GNG7: variants seen among roughly 807,000 people sequenced by gnomAD.
The protein encoded by GNG7 is G protein subunit gamma 7.
In GNG7, 1 loss-of-function variant was observed where a neutral mutation model predicts 4.0. That is an observed-to-expected ratio of 0.25 (90% CI 0.09 to 1.18). GNG7 has a LOEUF of 1.18. GNG7 is among the 50% of genes most tolerant of loss of function. The pLI, the probability that GNG7 is intolerant of heterozygous loss-of-function variation, is 0.50. For synonymous variants in GNG7, 34 were observed against 36.9 expected (o/e 0.92, Z 0.29); for missense variants, 86 against 91.9 (o/e 0.94, Z 0.26).
intron 2 of GNG7, among the ~76,000 whole-genome samples, chr19:2,584,959 AGAAG>A (rs1319996210): frequency 4.8e-5 from 1 of 20,656 alleles, no homozygotes; most frequent in East Asian, 3.8e-3. Context: ...AAGGAAGGAA[AGAAG>A]GAAGGAGGGA....
intron 3 of GNG7, among the ~76,000 whole-genome samples, chr19:2,530,887 T>G (rs1044917958): frequency 6.6e-6 from 1 of 152,104 alleles, no homozygotes; most frequent in Non-Finnish European, 1.5e-5. Context: ...AGAGGCCGAG[T>G]GATATTTCTA....
intron 2 of GNG7, among the ~76,000 whole-genome samples, chr19:2,556,175 G>A (rs1480632202): frequency 6.6e-6 from 1 of 152,254 alleles, no homozygotes; most frequent in African/African-American, 2.4e-5. Flanking sequence ...GCCAGGTTCT[G>A]TGTCTCCCGG....
chr19:2,656,829 G>T lies in GNG7; in HGVS notation c.-134-10549C>A, dbSNP rs911586608. Among the ~76,000 whole-genome samples the T allele has an allele frequency of 3.3e-5, 5 of 152,286 alleles. No individual in the cohort carries two copies. The East Asian group carries it at 9.6e-4, about 29-fold the overall frequency. Reference sequence around the variant, plus strand: ...GAATTTACCTCCGGCCCTTTAGGAAGGGTTGATATAATCCGTGTACTAGAG... The same window carrying T: ...GAATTTACCTCCGGCCCTTTAGGAATGGTTGATATAATCCGTGTACTAGAG... On this transcript the variant is annotated intron_variant, in intron 1 of 4. Transcript: ENST00000382159.
At chr19:2,646,515 G>A (rs111364707) in intron 1 of GNG7, among the ~76,000 whole-genome samples, 11,718 of 152,108 alleles carry the variant, frequency 0.077, 547 homozygotes, top group South Asian at 0.24. Context: ...GCAAAATCCC[G>A]TCTCTACTAA....
intron 1 of GNG7, among the ~76,000 whole-genome samples, chr19:2,652,106 C>G (rs1021178176): frequency 6.6e-6 from 1 of 151,622 alleles, no homozygotes; most frequent in African/African-American, 2.4e-5. Context: ...ACCCGGGAGA[C>G]AGTGGTTGCA....
chr19:2,665,829 T>A (rs145591521), intron 1 of GNG7, among the ~76,000 whole-genome samples: 119 of 152,336 alleles, frequency 7.8e-4, no homozygotes, highest in African/African-American at 2.8e-3. Context: ...GCTTTATTAT[T>A]TAGAACCTGG....
At position 2,512,490 on chromosome 19, in the gene GNG7, C is replaced by G. The variant is rs1299500641; in HGVS notation, c.*2532G>C. ...CTCAGGGAACCCAAGGCCCTGTGGA[C>G]AGTGAAGGAGAGGCCAGCCTGTCCT... On this transcript the variant is annotated 3_prime_UTR_variant, in exon 5 of 5. Coordinates refer to ENST00000382159, the MANE Select transcript of GNG7 (RefSeq NM_052847.3). This position sits in a 1 kb window ranked among gnomAD's most constrained non-coding sequence, Gnocchi z 4.7. The G allele has an allele frequency of 2.2e-6, 1 of 459,242 alleles. No homozygotes were observed. Among genetic ancestry groups the G allele is most frequent in the Non-Finnish European group, 2.9e-6 (1 of 349,106 alleles). 28.4% of individuals were successfully genotyped at this position (459,242 alleles called of 1,614,324 possible). A position where few individuals can be genotyped will look rare whatever the true frequency, so the allele number is the denominator to read the frequency against.
intron 2 of GNG7, among the ~76,000 whole-genome samples, chr19:2,629,682 C>T (rs1344670722): frequency 2.0e-5 from 3 of 152,168 alleles, no homozygotes; most frequent in Non-Finnish European, 2.9e-5. Context: ...GTGATTGGAA[C>T]CTGGCACCCA....
Position 2,514,968 on chromosome 19 carries a change from C to CAG in GNG7, c.*52_*53dup, listed in dbSNP as rs34865250. The CAG allele has an allele frequency of 2.7e-4, 339 of 1,237,344 alleles. No homozygotes were observed. Among genetic ancestry groups the CAG allele is most frequent in the Non-Finnish European group, 3.3e-4 (284 of 865,258 alleles). The allele number at this position is 1,237,344 out of a possible 1,614,324, so 76.6% of individuals were successfully genotyped here. A position where few individuals can be genotyped will look rare whatever the true frequency, so the allele number is the denominator to read the frequency against. ...GCCCTGCCTGAGACAGAGACAGAGA[C>CAG]AGAGAGAGAGAGAGAGAAAGAGAGA... On this transcript the variant is annotated 3_prime_UTR_variant, in exon 5 of 5. Transcript: ENST00000382159.
chr19:2,636,713 C>A (rs374684045), intron 2 of GNG7, among the ~76,000 whole-genome samples: 7 of 152,118 alleles, frequency 4.6e-5, no homozygotes, highest in African/African-American at 1.7e-4. Flanking sequence ...CACAGGGGCC[C>A]CTAGGGCAGG....
chr19:2,628,634 A>G (rs376320022), intron 2 of GNG7, among the ~76,000 whole-genome samples: 1 of 151,922 alleles, frequency 6.6e-6, no homozygotes, highest in Admixed American at 6.6e-5. Flanking sequence ...AGAACCTTCC[A>G]TCTTGTAAAA....
At chr19:2,566,869 G>T (rs1244844186) in intron 2 of GNG7, among the ~76,000 whole-genome samples, 1 of 152,058 alleles carries the variant, frequency 6.6e-6, no homozygotes. Flanking sequence ...TTGGGAGGCC[G>T]AGGCAGGCGG....
intron 2 of GNG7, among the ~76,000 whole-genome samples, chr19:2,573,213 G>A (rs1193665409): frequency 6.6e-6 from 1 of 151,160 alleles, no homozygotes; most frequent in Non-Finnish European, 1.5e-5. Context: ...AGTAGCGACG[G>A]GGTTTCACCA....
rs1568262802 is a variant in GNG7 at position 2,612,706 on chromosome 19, A to ATTTTTTTTTTTTTTTTTT, written c.-78+33517_-78+33518insAAAAAAAAAAAAAAAAAA. 9.3e-5 allele frequency among the ~76,000 whole-genome samples: 11 copies of ATTTTTTTTTTTTTTTTTT among 118,424 alleles called. 1 individual carries two copies. Among genetic ancestry groups the ATTTTTTTTTTTTTTTTTT allele is most frequent in the African/African-American group, 4.6e-4 (10 of 21,598 alleles). 77.7% of individuals were successfully genotyped at this position (118,424 alleles called of 152,430 possible). A position where few individuals can be genotyped will look rare whatever the true frequency, so the allele number is the denominator to read the frequency against. On this transcript the variant is annotated intron_variant, in intron 2 of 4. Coordinates refer to ENST00000382159, the MANE Select transcript of GNG7 (RefSeq NM_052847.3). The stretch of plus-strand genomic sequence containing the variant: ...TTAGAATTTTTTTTTTTTTTTGAGA[A>ATTTTTTTTTTTTTTTTTT]ATTTTTTTTTTTTTTTTGAGAGTCT...
At chr19:2,532,164 A>AAAAAAAAAAAC (rs1978616484) in intron 3 of GNG7, among the ~76,000 whole-genome samples, 1 of 79,214 alleles carries the variant, frequency 1.3e-5, no homozygotes. Context: ...AAAAAAAACA[A>AAAAAAAAAAAC]AAAAAAAAAC....
rs1006485312 is a variant in GNG7, at chr19:2,537,697, C to T, written c.-37-16972G>A. Among the ~76,000 whole-genome samples the T allele has an allele frequency of 5.9e-5, 9 of 151,572 alleles. No individual in the cohort carries two copies. The East Asian group carries it at 7.7e-4, about 13-fold the overall frequency. On this transcript the variant is annotated intron_variant, in intron 3 of 4. Coordinates refer to ENST00000382159, the MANE Select transcript of GNG7 (RefSeq NM_052847.3). ...GTGGGGGTTGTGGTGAAGCTGGAGGCGGGAAACTGGCCCTGGAGTGGGGGT... is the reference window on the plus strand; with the variant it reads ...GTGGGGGTTGTGGTGAAGCTGGAGGTGGGAAACTGGCCCTGGAGTGGGGGT...
Position 2,514,741 on chromosome 19 carries a change from T to G in GNG7, c.*281A>C. ...GATTTCAGTTATTCCGAACGGGAAG[T>G]GGCCGTAAAGCCTCCATCCCTTTTG... is the stretch of plus-strand genomic sequence containing the variant. On this transcript the variant is annotated 3_prime_UTR_variant, in exon 5 of 5. Coordinates refer to ENST00000382159, the MANE Select transcript of GNG7 (RefSeq NM_052847.3). 4.0e-6 allele frequency: 1 copy of G among 247,624 alleles called. No individual in the cohort carries two copies. Among genetic ancestry groups the G allele is most frequent in the East Asian group, 7.8e-5 (1 of 12,864 alleles). 15.3% of individuals were successfully genotyped at this position (247,624 alleles called of 1,614,324 possible).
rs147138137 is a variant in GNG7, at chr19:2,627,521, C to T, written c.-78+18703G>A. On this transcript the variant is annotated intron_variant, in intron 2 of 4. Transcript: ENST00000382159. ...CAGCTGGCAGCCCGCGTGCTGTAAA[C>T]ACCCACCCAGGCGTGCCAGCCAGAC... Among the ~76,000 whole-genome samples, 999 of 152,368 alleles carry T rather than the reference C, an allele frequency of 6.6e-3. 8 individuals carry two copies. Among genetic ancestry groups the T allele is most frequent in the Non-Finnish European group, 8.9e-3 (605 of 68,034 alleles).
At chr19:2,516,901 A>G (rs995891276) in intron 4 of GNG7, 6 of 152,386 alleles carry the variant, frequency 3.9e-5, no homozygotes, top group Non-Finnish European at 5.9e-5. Flanking sequence ...TCTCCTGGCC[A>G]TGCCTTTGGG....
Sources: gnomAD v4.1 joint callset for allele counts (sites outside exome capture counted in the v4.1 genomes callset) on GRCh38, gnomAD v4.1.1 for gene constraint, Gnocchi (gnomAD v3.1) non-coding constraint, MANE v1.5 for transcripts, NCBI Gene and HGNC (gene_info 2026-07-23, HGNC 2026-07-21) for gene names.